NGLY1: variants seen among roughly 807,000 people sequenced by gnomAD.
The protein encoded by NGLY1 is peptide-N(4)-(N-acetyl-beta-glucosaminyl)asparagine amidase.
A neutral mutation model predicts 84.6 loss-of-function variants in NGLY1; 68 were observed. The observed-to-expected ratio is 0.80, with a 90% confidence interval of 0.66 to 0.98. The LOEUF (loss-of-function observed/expected upper bound fraction) is 0.98, where lower values mean the gene tolerates loss of function less well. NGLY1 is among the 50% of genes least tolerant of loss of function. The pLI is 0.00. For synonymous variants in NGLY1, 280 were observed against 275.2 expected (o/e 1.02, Z -0.17); for missense variants, 779 against 770.2 (o/e 1.01, Z -0.14).
At chr3:25,789,948 G>C in exon 1 of NGLY1, 1 of 1,516,232 alleles carries the variant, frequency 6.6e-7, no homozygotes, top group Non-Finnish European at 9.0e-7. Flanking sequence ...CAGCTACCCA[G>C]CCGCCTCCCA....
chr3:25,749,564 A>C, intron 4 of NGLY1: 2 of 1,547,978 alleles, frequency 1.3e-6, no homozygotes, highest in Non-Finnish European at 1.8e-6. Context: ...CACCAGTCTG[A>C]CTGATATGTC....
chr3:25,752,286 G>A (rs1265796796), intron 3 of NGLY1, among the ~76,000 whole-genome samples: 1 of 152,028 alleles, frequency 6.6e-6, no homozygotes, highest in African/African-American at 2.4e-5. Flanking sequence ...GCAGTGGTGA[G>A]ATCCTGGCTC....
intron 10 of NGLY1, among the ~76,000 whole-genome samples, chr3:25,725,031 G>A (rs1161223929): frequency 1.3e-5 from 2 of 152,142 alleles, no homozygotes. Context: ...GACCTACCTT[G>A]TCTGATTATG....
chr3:25,768,819 G>C (rs1008740293), intron 2 of NGLY1, among the ~76,000 whole-genome samples: 1 of 151,766 alleles, frequency 6.6e-6, no homozygotes, highest in Non-Finnish European at 1.5e-5. Flanking sequence ...TGGGATTACA[G>C]GCGTGAGCCA....
At chr3:25,784,429 T>C (rs1708558511), upstream of NGLY1, among the ~76,000 whole-genome samples, 1 of 152,220 alleles carries the variant, frequency 6.6e-6, no homozygotes, top group African/African-American at 2.4e-5. Context: ...ACTTGTTTTT[T>C]AGGTAGATCA....
In NGLY1 at chr3:25,737,448, T is replaced by A. The variant is rs763397227; in HGVS notation, c.889A>T (p.Asn297Tyr). 32 of 1,597,750 alleles carry A rather than the reference T, an allele frequency of 2.0e-5. No individual in the cohort carries two copies. Among genetic ancestry groups the A allele is most frequent in the Non-Finnish European group, 2.4e-5 (28 of 1,173,864 alleles). Reference protein sequence around the residue: ...QFSNRFPRYNNPEKLLETRCG... With the variant: ...QFSNRFPRYNYPEKLLETRCG... ...CTTGTTTCCAAAAGTTTCTCAGGGT[T>A]ATTATATCTGGTTTAAAAAGAAAAA... The change falls in exon 6 of 12, where the codon AAC (asparagine) becomes TAC (tyrosine). Residue 297 changes from asparagine to tyrosine, a missense_variant. Transcript: ENST00000280700.
At chr3:25,737,260 T>G in intron 6 of NGLY1, 74 bp downstream of exon 6, 1 of 1,285,676 alleles carries the variant, frequency 7.8e-7, no homozygotes, top group Non-Finnish European at 1.1e-6. Flanking sequence ...CAGAGAATCA[T>G]GGGCTCAGAA....
chr3:25,763,381 G>A (rs1256478314), intron 3 of NGLY1, among the ~76,000 whole-genome samples: 1 of 152,136 alleles, frequency 6.6e-6, no homozygotes, highest in Non-Finnish European at 1.5e-5. Flanking sequence ...CCTAAGAAAA[G>A]GTGTTAAAAA....
intron 2 of NGLY1, among the ~76,000 whole-genome samples, chr3:25,775,587 A>G (rs1033384390): frequency 9.2e-5 from 14 of 152,218 alleles, no homozygotes; most frequent in African/African-American, 3.4e-4. Context: ...GAGCTAAAAC[A>G]ATTGATCCCA....
chr3:25,786,534 A>T (rs1289989531), upstream of NGLY1, among the ~76,000 whole-genome samples: 8 of 152,216 alleles, frequency 5.3e-5, no homozygotes, highest in Non-Finnish European at 1.0e-4. Flanking sequence ...AGCTTTTCTA[A>T]AGGAAATGGA....
intron 10 of NGLY1, among the ~76,000 whole-genome samples, chr3:25,722,316 G>C (rs566641059): frequency 6.7e-6 from 1 of 149,604 alleles, no homozygotes; most frequent in South Asian, 2.1e-4. Context: ...GATCTTTTTA[G>C]AAACATCTAA....
At chr3:25,777,805 T>C (rs1274237205) in intron 2 of NGLY1, 1 of 152,248 alleles carries the variant, frequency 6.6e-6, no homozygotes, top group Non-Finnish European at 1.5e-5. Flanking sequence ...TCTACTACTT[T>C]GTTCACTACT....
chr3:25,746,877 T>C (rs754042705), intron 4 of NGLY1, among the ~76,000 whole-genome samples: 12 of 152,208 alleles, frequency 7.9e-5, no homozygotes, highest in Non-Finnish European at 1.2e-4. Flanking sequence ...TTGCCCAGGC[T>C]GCAGTGCAGT....
At chr3:25,740,011 C>T (rs1387267274) in intron 4 of NGLY1, among the ~76,000 whole-genome samples, 1 of 152,148 alleles carries the variant, frequency 6.6e-6, no homozygotes, top group Non-Finnish European at 1.5e-5. Context: ...AACAGTAGAA[C>T]ATTTACCATT....
rs1484390511 is a variant in NGLY1, at chr3:25,732,338, C to T, written c.1406G>A (p.Arg469Gln). The T allele has an allele frequency of 2.5e-6, 4 of 1,613,506 alleles. No individual in the cohort carries two copies. The highest frequency in any genetic ancestry group is 1.1e-5 in the South Asian group (1 of 91,042). Residue 469 changes from arginine to glutamine, a missense_variant, in exon 9 of 12, where the codon CGA (arginine) becomes CAA (glutamine). Physicochemically the swap from Arg to Gln is conservative, Grantham distance 43. Transcript: ENST00000280700. ...AAATACCTGTAGACCCATTTCACCTCGGGCTACTCTCCAAGCCACTGACCC... is the reference window on the plus strand; with the variant it reads ...AAATACCTGTAGACCCATTTCACCTTGGGCTACTCTCCAAGCCACTGACCC... ...ISGSVAWRVA[R>Q]GEMGLQRKET... is the part of the protein sequence containing the mutation.
At chr3:25,733,466 CGTGTGTGT>C (rs60529800) in intron 8 of NGLY1, among the ~76,000 whole-genome samples, 11,825 of 134,092 alleles carry the variant, frequency 0.088, 549 homozygotes, top group African/African-American at 0.12. Context: ...CTCACATGGA[CGTGTGTGT>C]GTGTGTGTGT....
chr3:25,770,294 G>T (rs1707829296), intron 2 of NGLY1, among the ~76,000 whole-genome samples: 1 of 152,106 alleles, frequency 6.6e-6, no homozygotes, highest in African/African-American at 2.4e-5. Flanking sequence ...GACTACAAGT[G>T]CCCGCCACCA....
At chr3:25,747,234 T>G (rs1250785320) in intron 4 of NGLY1, among the ~76,000 whole-genome samples, 1 of 152,172 alleles carries the variant, frequency 6.6e-6, no homozygotes, top group Admixed American at 6.5e-5. Context: ...ACACAAAACA[T>G]GTTCAGTAAG....
At chr3:25,739,988 A>T (rs930452100) in intron 4 of NGLY1, among the ~76,000 whole-genome samples, 189 bp from the exon 5 acceptor site, 5 of 152,234 alleles carry the variant, frequency 3.3e-5, no homozygotes, top group African/African-American at 7.2e-5. Context: ...GACAAGTATA[A>T]CTGCACATTA....
Sources: allele counts gnomAD v4.1 joint callset (sites outside exome capture counted in the v4.1 genomes callset), GRCh38; gene constraint gnomAD v4.1.1; transcripts MANE v1.5; gene names NCBI Gene and HGNC (gene_info 2026-07-23, HGNC 2026-07-21).